Variants in ANO3 observed in about 807,000 individuals in gnomAD.
The protein encoded by ANO3 is anoctamin-3.
ANO3 carries 99 observed loss-of-function variants against 144.8 expected under a neutral mutation model. The ratio of observed to expected loss-of-function variants is 0.68; its 90% CI spans 0.58 to 0.81. The LOEUF is 0.81. Ranked by LOEUF, ANO3 falls within the 30% of genes least tolerant of loss-of-function variation. ANO3 has a pLI of 0.00. For synonymous variants in ANO3, 414 were observed against 392.6 expected, an observed-to-expected ratio of 1.05 and a Z score of -0.64; for missense variants, 905 against 1,202.2, an observed-to-expected ratio of 0.75 and a Z score of 3.66.
chr11:26,561,397 AT>A (rs1305141052), intron 14 of ANO3, among the ~76,000 whole-genome samples: 5 of 151,976 alleles, frequency 3.3e-5, no homozygotes, highest in Admixed American at 2.6e-4. Context: ...TTCAAGCTTC[AT>A]TTTTTATAAG....
intron 1 of ANO3, among the ~76,000 whole-genome samples, chr11:26,441,327 C>T (rs1024184654): frequency 1.2e-4 from 18 of 151,150 alleles, no homozygotes; most frequent in Non-Finnish European, 2.2e-4. Flanking sequence ...CCGTTTTAGC[C>T]GGGATGGTCT....
intron 1 of ANO3, among the ~76,000 whole-genome samples, chr11:26,423,773 A>G (rs142124357): frequency 6.6e-6 from 1 of 152,106 alleles, no homozygotes; most frequent in Non-Finnish European, 1.5e-5. Flanking sequence ...TATTTATACC[A>G]CGGGAAGTCA....
intron 1 of ANO3, among the ~76,000 whole-genome samples, chr11:26,432,501 G>A (rs956915175): frequency 1.3e-5 from 2 of 152,004 alleles, no homozygotes; most frequent in Non-Finnish European, 2.9e-5. Context: ...AATGGTATTG[G>A]CTAGGTCGTC....
intron 1 of ANO3, among the ~76,000 whole-genome samples, chr11:26,398,223 A>T (rs1313391163): frequency 6.6e-6 from 1 of 152,028 alleles, no homozygotes; most frequent in African/African-American, 2.4e-5. Context: ...GGTCACCCTA[A>T]ACTTTTGGGA....
At position 26,389,388 on chromosome 11, in the gene ANO3, T is replaced by C. The variant is rs566520293; in HGVS notation, c.47-52530T>C. Among the ~76,000 whole-genome samples, 3 of 152,160 alleles carry C rather than the reference T, an allele frequency of 2.0e-5. No individual in the cohort carries two copies. In the East Asian group the frequency reaches 5.8e-4, roughly 29 times the overall value. On this transcript the variant is annotated intron_variant, in intron 1 of 26. Transcript: ENST00000256737. ...AGGTACCTACCTTATAAGAATTTTG[T>C]AAAGCTCTAGGCTGAGTGACTATAA... is the stretch of plus-strand genomic sequence containing the variant.
chr11:26,373,793 A>G (rs1003276642), intron 1 of ANO3, among the ~76,000 whole-genome samples: 30 of 152,212 alleles, frequency 2.0e-4, no homozygotes, highest in Middle Eastern at 3.2e-3. Flanking sequence ...TATAAAAGTA[A>G]TTAACAGTTT....
In ANO3 at chr11:26,252,022, G is replaced by GT. The variant is rs375485914; in HGVS notation, c.155-57615dup. On this transcript the variant is annotated intron_variant, in intron 1 of 27. Coordinates refer to the ANO3 transcript ENST00000672621. ...GAAATGGTTTCAAGTGTTCTTTAAT[G>GT]TTTTTTTTCTAGAGAAAAGCATGTG... 7.2e-5 allele frequency among the ~76,000 whole-genome samples: 11 copies of GT among 151,928 alleles called. No individual in the cohort carries two copies. The East Asian group carries it at 7.7e-4, about 11-fold the overall frequency.
chr11:26,218,088 A>G (rs920733237), intron 1 of ANO3, among the ~76,000 whole-genome samples: 2 of 152,056 alleles, frequency 1.3e-5, no homozygotes, highest in African/African-American at 4.8e-5. Flanking sequence ...TTCTTTGTTT[A>G]TTCATTTTCA....
At chr11:26,323,764 A>C in intron 1 of ANO3, among the ~76,000 whole-genome samples, 1 of 152,212 alleles carries the variant, frequency 6.6e-6, no homozygotes, top group East Asian at 1.9e-4. Context: ...TTGACAAATT[A>C]ATTCTTAGAA....
intron 4 of ANO3, among the ~76,000 whole-genome samples, chr11:26,478,955 T>A (rs1860090841): frequency 6.6e-6 from 1 of 152,226 alleles, no homozygotes; most frequent in African/African-American, 2.4e-5. Flanking sequence ...GCCCAATTCA[T>A]GAACTGTCCT....
At chr11:26,564,183 T>A (rs2134259915) in intron 14 of ANO3, among the ~76,000 whole-genome samples, 1 of 151,820 alleles carries the variant, frequency 6.6e-6, no homozygotes, top group Non-Finnish European at 1.5e-5. Flanking sequence ...TATATTAGGT[T>A]TAGATAGACA....
intron 7 of ANO3, among the ~76,000 whole-genome samples, chr11:26,527,461 G>A (rs1849192093): frequency 1.3e-5 from 2 of 151,864 alleles, no homozygotes; most frequent in Non-Finnish European, 2.9e-5. Context: ...TGTGGGAGAG[G>A]TAGGGAATAA....
chr11:26,298,951 A>T (rs1041732160), intron 1 of ANO3, among the ~76,000 whole-genome samples: 17 of 152,214 alleles, frequency 1.1e-4, no homozygotes, highest in African/African-American at 4.1e-4. Flanking sequence ...ATTCTTTCAG[A>T]CCAATGGAAA....
chr11:26,474,081 C>T, intron 4 of ANO3: 1 of 985,128 alleles, frequency 1.0e-6, no homozygotes, highest in Non-Finnish European at 1.2e-6. Context: ...AGACTGTTGT[C>T]AGCAATGAAG....
At position 26,230,796 on chromosome 11, in the gene ANO3, CCAAAAAAAAAAAAAA is replaced by C. The variant is rs1343221454; in HGVS notation, c.154+41467_154+41481del. On this transcript the variant is annotated intron_variant, in intron 1 of 27. Coordinates refer to the ANO3 transcript ENST00000672621. ...TGGGTGACAGAGCATGACTCCATCT[CCAAAAAAAAAAAAAA>C]AAAAAAAAAAAAAAAAAAAAAAAAA... Among the ~76,000 whole-genome samples, 58 of 79,472 alleles carry C rather than the reference CCAAAAAAAAAAAAAA, an allele frequency of 7.3e-4. 1 individual carries two copies. The East Asian group carries it at 0.018, about 24-fold the overall frequency. 52.1% of individuals were successfully genotyped at this position (79,472 alleles called of 152,430 possible). A position where few individuals can be genotyped will look rare whatever the true frequency, so the allele number is the denominator to read the frequency against.
At chr11:26,281,145 T>G (rs1853669019) in intron 1 of ANO3, among the ~76,000 whole-genome samples, 2 of 152,188 alleles carry the variant, frequency 1.3e-5, no homozygotes, top group Admixed American at 6.5e-5. Flanking sequence ...ATATCTTTAC[T>G]TTGCAGATGA....
chr11:26,521,077 T>C (rs1862053253), intron 6 of ANO3, among the ~76,000 whole-genome samples: 1 of 152,086 alleles, frequency 6.6e-6, no homozygotes, highest in African/African-American at 2.4e-5. Context: ...TTATTTACAA[T>C]GTACACTGGA....
intron 3 of ANO3, among the ~76,000 whole-genome samples, chr11:26,457,998 A>C (rs1050452842): frequency 1.3e-5 from 2 of 152,156 alleles, no homozygotes; most frequent in Admixed American, 6.6e-5. Flanking sequence ...TTTGGGAAAA[A>C]TAGGTTACTG....
intron 1 of ANO3, among the ~76,000 whole-genome samples, chr11:26,423,601 G>T (rs1021154545): frequency 6.6e-6 from 1 of 151,670 alleles, no homozygotes; most frequent in South Asian, 2.1e-4. Context: ...GTGATGGTAG[G>T]TAGACATTTC....
Sources: allele counts gnomAD v4.1 joint callset (sites outside exome capture counted in the v4.1 genomes callset), GRCh38; gene constraint gnomAD v4.1.1; transcripts MANE v1.5; gene names NCBI Gene and HGNC (gene_info 2026-07-23, HGNC 2026-07-21).